Variants in ANKRD28 observed in about 807,000 individuals in gnomAD.
ANKRD28 encodes ankyrin repeat domain 28.
In ANKRD28, 44 loss-of-function variants were observed where a neutral mutation model predicts 126.5. That is an observed-to-expected ratio of 0.35 (90% CI 0.27 to 0.45). The LOEUF is 0.45. Among genes scored for constraint, ANKRD28 ranks in the 20% least tolerant of loss-of-function variants. The probability of loss-of-function intolerance (pLI) is 1.00; values close to 1 mark genes in which losing one functional copy is unlikely to be tolerated. For synonymous variants in ANKRD28, 442 were observed against 468.5 expected (o/e 0.94, Z 0.73); for missense variants, 1,110 against 1,316.6 (o/e 0.84, Z 2.43).
chr3:15,748,926 T>C (rs1345597709), intron 4 of ANKRD28, among the ~76,000 whole-genome samples: 1 of 152,104 alleles, frequency 6.6e-6, no homozygotes, highest in African/African-American at 2.4e-5. Flanking sequence ...TGGATTGGGT[T>C]AATTCAAAAG....
At position 15,773,568 on chromosome 3, in the gene ANKRD28, T is replaced by A. The variant is rs1286448080; in HGVS notation, c.202-7256A>T. On this transcript the variant is annotated intron_variant, in intron 2 of 27. Transcript: ENST00000683139. ...TGAACCCAGGACATGGAGGTTGCAG[T>A]GAGCCAAGACTGCACTCCTGCCTGG... Among the ~76,000 whole-genome samples, 10 of 152,052 alleles carry A rather than the reference T, an allele frequency of 6.6e-5. No homozygotes were observed. The South Asian group carries it at 1.0e-3, about 16-fold the overall frequency.
At chr3:15,850,222 T>TAGAGAG (rs1402127071) in intron 1 of ANKRD28, among the ~76,000 whole-genome samples, 23 of 41,790 alleles carry the variant, frequency 5.5e-4, no homozygotes, top group African/African-American at 1.3e-3. Context: ...TATATATATA[T>TAGAGAG]ATAGAGAGAG....
At chr3:15,742,196 C>T (rs2057090268) in intron 4 of ANKRD28, among the ~76,000 whole-genome samples, 1 of 151,520 alleles carries the variant, frequency 6.6e-6, no homozygotes, top group Admixed American at 6.6e-5. Flanking sequence ...GCCTGGCCGC[C>T]CATCGTCTGG....
At chr3:15,858,796 T>C (rs995551295) in intron 1 of ANKRD28, among the ~76,000 whole-genome samples, 2 of 152,186 alleles carry the variant, frequency 1.3e-5, no homozygotes. Context: ...TTCCAGAGAA[T>C]TACAAGTCAT....
intron 1 of ANKRD28, among the ~76,000 whole-genome samples, chr3:15,820,322 C>T (rs180862668): frequency 6.6e-6 from 1 of 152,054 alleles, no homozygotes; most frequent in South Asian, 2.1e-4. Context: ...TTTATTATAC[C>T]TGACAGTCTT....
intron 17 of ANKRD28, among the ~76,000 whole-genome samples, chr3:15,690,838 A>G (rs999025271): frequency 1.3e-5 from 2 of 152,082 alleles, no homozygotes; most frequent in African/African-American, 4.8e-5. Context: ...TCAAAGTGCT[A>G]GGAATACAGG....
chr3:15,775,354 C>T (rs1353519999), intron 2 of ANKRD28, among the ~76,000 whole-genome samples: 1 of 152,186 alleles, frequency 6.6e-6, no homozygotes, highest in African/African-American at 2.4e-5. Context: ...AAAACTGATA[C>T]TTGATGTGTG....
chr3:15,689,717 G>A, intron 18 of ANKRD28: 1 of 240,580 alleles, frequency 4.2e-6, no homozygotes, highest in African/African-American at 2.3e-5. Context: ...GGTAGTCTAG[G>A]ACCTACATGT....
chr3:15,850,258 G>GAGAGAGAGAGAGAGAGAGAGAGAGA (rs1384999941), intron 1 of ANKRD28, among the ~76,000 whole-genome samples: 1 of 126,868 alleles, frequency 7.9e-6, no homozygotes, highest in Non-Finnish European at 1.6e-5. Flanking sequence ...GAGAGAGAGA[G>GAGAGAGAGAGAGAGAGAGAGAGAGA]AGAGAAAGTT....
At chr3:15,844,441 G>A (rs1208231285) in intron 1 of ANKRD28, among the ~76,000 whole-genome samples, 1 of 151,518 alleles carries the variant, frequency 6.6e-6, no homozygotes, top group African/African-American at 2.4e-5. Flanking sequence ...AAAAAGTTGT[G>A]GTCAGAGAAA....
Position 15,708,028 on chromosome 3 carries a change from G to A in ANKRD28, c.1443C>T (p.Tyr481=). The part of the protein sequence containing the change: ...PLHYAAANCN[Y]QCLFALVGSG... The stretch of plus-strand genomic sequence containing the variant: ...ATCCCACAAGAGCAAACAGGCACTG[G>A]TAATTGCAGTTGGCAGCAGCGTAGT... The change falls in exon 14 of 28, where the codon TAC becomes TAT. Residue 481 remains tyrosine, a synonymous_variant. Coordinates refer to ENST00000683139, the MANE Select transcript of ANKRD28 (RefSeq NM_001349278.2). The A allele has an allele frequency of 6.2e-7, 1 of 1,610,032 alleles. No homozygotes were observed. The highest frequency in any genetic ancestry group is 8.5e-7 in the Non-Finnish European group (1 of 1,178,234).
chr3:15,686,351 G>T, intron 18 of ANKRD28, 42 bp from the exon 19 acceptor site: 1 of 1,421,156 alleles, frequency 7.0e-7, no homozygotes, highest in Non-Finnish European at 9.7e-7. Context: ...TACATATAAT[G>T]ATAAAATAGA....
intron 13 of ANKRD28, among the ~76,000 whole-genome samples, chr3:15,708,669 C>T (rs758792879): frequency 1.2e-3 from 184 of 152,138 alleles, no homozygotes; most frequent in Non-Finnish European, 2.2e-3. Flanking sequence ...TATTGCATTC[C>T]AAAGCCAAAG....
At chr3:15,710,554 T>A (rs1018496151) in intron 12 of ANKRD28, among the ~76,000 whole-genome samples, 3 of 152,178 alleles carry the variant, frequency 2.0e-5, no homozygotes, top group Admixed American at 6.5e-5. Flanking sequence ...TCACTGAAAA[T>A]TTTTAAGAAA....
chr3:15,808,647 C>A (rs2060640465), intron 1 of ANKRD28, among the ~76,000 whole-genome samples: 1 of 152,156 alleles, frequency 6.6e-6, no homozygotes, highest in Non-Finnish European at 1.5e-5. Flanking sequence ...TTCTAATAGA[C>A]CTTACTTTTT....
intron 1 of ANKRD28, among the ~76,000 whole-genome samples, chr3:15,849,594 C>G (rs568266293): frequency 6.6e-6 from 1 of 152,126 alleles, no homozygotes; most frequent in Non-Finnish European, 1.5e-5. Context: ...GAAAAATAAC[C>G]CTTACTTCCA....
At chr3:15,729,656 A>G (rs1319934596) in intron 6 of ANKRD28, among the ~76,000 whole-genome samples, 1 of 152,162 alleles carries the variant, frequency 6.6e-6, no homozygotes, top group Non-Finnish European at 1.5e-5. Flanking sequence ...ATGAGTCTAT[A>G]AAAAGTTAAT....
intron 4 of ANKRD28, among the ~76,000 whole-genome samples, chr3:15,741,737 T>C (rs957135181): frequency 9.5e-6 from 1 of 104,846 alleles, no homozygotes; most frequent in Non-Finnish European, 1.9e-5. Flanking sequence ...TTTTTTTTTT[T>C]AGCAATTCTT....
intron 1 of ANKRD28, among the ~76,000 whole-genome samples, chr3:15,851,051 G>A (rs1288952612): frequency 6.6e-6 from 1 of 152,146 alleles, no homozygotes; most frequent in Non-Finnish European, 1.5e-5. Flanking sequence ...GGTATGTGGG[G>A]GAAAACTGAA....
Sources: gnomAD v4.1 joint callset for allele counts (sites outside exome capture counted in the v4.1 genomes callset) on GRCh38, gnomAD v4.1.1 for gene constraint, MANE v1.5 for transcripts, NCBI Gene and HGNC (gene_info 2026-07-23, HGNC 2026-07-21) for gene names.